SBNO1: variants seen among roughly 807,000 people sequenced by gnomAD.
SBNO1 encodes strawberry notch homolog 1, also known as protein strawberry notch homolog 1.
Under a neutral mutation model 173.6 loss-of-function variants are expected in SBNO1, and 23 were observed. The observed-to-expected ratio is 0.13, with a 90% CI of 0.10 to 0.19. SBNO1 has a LOEUF of 0.19. Among genes scored for constraint, SBNO1 ranks in the 10% least tolerant of loss-of-function variants. The pLI is 1.00. For synonymous variants in SBNO1, 632 were observed against 571.5 expected (o/e 1.11, Z -1.51); for missense variants, 1,238 against 1,671.2 (o/e 0.74, Z 4.52).
Position 123,299,358 on chromosome 12 carries a change from ACT to A in SBNO1, c.3846-1189_3846-1188del, listed in dbSNP as rs531138504. 1.2e-3 allele frequency among the ~76,000 whole-genome samples: 186 copies of A among 149,430 alleles called. 1 individual carries two copies. Among genetic ancestry groups the A allele is most frequent in the African/African-American group, 4.3e-3 (175 of 40,366 alleles). On this transcript the variant is annotated intron_variant, in intron 30 of 31. Transcript: ENST00000602398. ...ACTCCAGCCTGGGCAACAGAGTGAG[ACT>A]CTGTCTCAAAAAAAACGAAACAAAA...
chr12:123,320,884 A>G lies in SBNO1; in HGVS notation c.2324-18T>C. 1 of 1,513,254 alleles carries G rather than the reference A, an allele frequency of 6.6e-7. No homozygotes were observed. Among genetic ancestry groups the G allele is most frequent in the South Asian group, 1.3e-5 (1 of 79,444 alleles). 93.7% of individuals were successfully genotyped at this position (1,513,254 alleles called of 1,614,324 possible). A position where few individuals can be genotyped will look rare whatever the true frequency, so the allele number is the denominator to read the frequency against. Reference sequence around the variant, plus strand: ...CCAGGGATCTGAGTGTTAAGGAAAGATACATGTCAAATCATTTGTTAAAAC... The same window carrying G: ...CCAGGGATCTGAGTGTTAAGGAAAGGTACATGTCAAATCATTTGTTAAAAC... On this transcript the variant is annotated intron_variant, in intron 17 of 31. Coordinates refer to ENST00000602398, the MANE Select transcript of SBNO1 (RefSeq NM_001167856.3).
Position 123,364,737 on chromosome 12 carries a change from C to T in SBNO1, c.-37G>A, listed in dbSNP as rs1418471192. The T allele has an allele frequency of 1.0e-6, 1 of 987,642 alleles. No individual in the cohort carries two copies. The highest frequency in any genetic ancestry group is 1.2e-6 in the Non-Finnish European group (1 of 831,268). 61.2% of individuals were successfully genotyped at this position (987,642 alleles called of 1,614,324 possible). A position where few individuals can be genotyped will look rare whatever the true frequency, so the allele number is the denominator to read the frequency against. ...GACCCGGCGCCAGCACAGCTCCTCC[C>T]GGGAGGTGTGAGTTTGAAGGACCAG... On this transcript the variant is annotated 5_prime_UTR_variant, in exon 1 of 32. Coordinates refer to ENST00000602398, the MANE Select transcript of SBNO1 (RefSeq NM_001167856.3).
chr12:123,350,571 G>A lies in SBNO1; in HGVS notation c.1-130C>T, dbSNP rs113955904. ...TCAGTATTAATGAAGAACCTGCCAT[G>A]TCTCAGACAAAGAGGATAAAAGAGA... On this transcript the variant is annotated intron_variant, in intron 1 of 31. Coordinates refer to ENST00000602398, the MANE Select transcript of SBNO1 (RefSeq NM_001167856.3). 5.4e-4 allele frequency: 396 copies of A among 734,948 alleles called. 6 individuals carry two copies. The African/African-American group carries it at 5.8e-3, about 11-fold the overall frequency. 45.5% of individuals were successfully genotyped at this position (734,948 alleles called of 1,614,324 possible). A position where few individuals can be genotyped will look rare whatever the true frequency, so the allele number is the denominator to read the frequency against.
intron 7 of SBNO1, 24 bp downstream of exon 7, chr12:123,334,029 G>C: frequency 1.4e-6 from 2 of 1,465,792 alleles, no homozygotes; most frequent in Non-Finnish European, 1.8e-6. Flanking sequence ...AATAATTATT[G>C]TATTATGAAA....
intron 6 of SBNO1, among the ~76,000 whole-genome samples, chr12:123,334,732 TAATA>T (rs1449784292): frequency 6.6e-6 from 1 of 150,600 alleles, no homozygotes; most frequent in Non-Finnish European, 1.5e-5. Context: ...TAAAATTAAA[TAATA>T]AATAAAATAA....
chr12:123,362,010 G>A (rs1875285541), intron 1 of SBNO1, among the ~76,000 whole-genome samples: 1 of 151,776 alleles, frequency 6.6e-6, no homozygotes, highest in South Asian at 2.1e-4. Flanking sequence ...ATGGTGGCAC[G>A]CGCCTGTAGT....
chr12:123,299,879 G>A (rs2048729476), intron 30 of SBNO1, among the ~76,000 whole-genome samples: 1 of 151,804 alleles, frequency 6.6e-6, no homozygotes, highest in African/African-American at 2.4e-5. Context: ...GAAAAAACAA[G>A]CAATACCTGT....
chr12:123,289,145 C>CAA lies in SBNO1; in HGVS notation c.*6761_*6762dup, dbSNP rs1333348550. On this transcript the variant is annotated 3_prime_UTR_variant, in exon 32 of 32. Coordinates refer to ENST00000602398, the MANE Select transcript of SBNO1 (RefSeq NM_001167856.3). ...TAATTTATTTAGAATCTTACAAAAA[C>CAA]AAAAAACAAAACAAAAACCACCACA... 2.0e-5 allele frequency: 3 copies of CAA among 151,302 alleles called. No homozygotes were observed. Among genetic ancestry groups the CAA allele is most frequent in the African/African-American group, 7.3e-5 (3 of 40,966 alleles). 9.4% of individuals were successfully genotyped at this position (151,302 alleles called of 1,614,324 possible). A position where few individuals can be genotyped will look rare whatever the true frequency, so the allele number is the denominator to read the frequency against.
In SBNO1 at chr12:123,326,315, C is replaced by T. The variant is rs137918984; in HGVS notation, c.1712G>A (p.Arg571Gln). 94 of 1,603,528 alleles carry T rather than the reference C, an allele frequency of 5.9e-5. No homozygotes were observed. Among genetic ancestry groups the T allele is most frequent in the Non-Finnish European group, 7.8e-5 (92 of 1,174,420 alleles). The change falls in exon 14 of 32, where the codon CGG becomes CAG. Residue 571 changes from arginine (R) to glutamine (Q), a missense_variant. Coordinates refer to ENST00000602398, the MANE Select transcript of SBNO1 (RefSeq NM_001167856.3). ...AVKLWVIARE[R>Q]FQQAADLIDA... The stretch of plus-strand genomic sequence containing the variant: ...AATCAGATCTGCAGCTTGCTGAAAC[C>T]GCTCTCTGGCGATGACCCACTGAAG...
chr12:123,354,744 G>C (rs778000207), intron 1 of SBNO1, among the ~76,000 whole-genome samples: 5 of 152,116 alleles, frequency 3.3e-5, no homozygotes, highest in Non-Finnish European at 7.4e-5. Context: ...AATACTGTTA[G>C]GTACAAGAGA....
chr12:123,345,170 C>T, intron 4 of SBNO1, 88 bp downstream of exon 4: 1 of 1,159,870 alleles, frequency 8.6e-7, no homozygotes, highest in Non-Finnish European at 1.2e-6. Context: ...ATGGCCAGTT[C>T]TTTAAAAACC....
intron 13 of SBNO1, 103 bp downstream of exon 13, chr12:123,327,323 A>G: frequency 1.0e-6 from 1 of 963,538 alleles, no homozygotes; most frequent in Admixed American, 2.4e-5. Flanking sequence ...GTTTTATAGT[A>G]GAAATACATT....
chr12:123,350,365 A>T lies in SBNO1; in HGVS notation c.77T>A (p.Ile26Asn). Residue 26 changes from isoleucine (I) to asparagine (N), a missense_variant, in exon 2 of 32, where the codon ATT becomes AAT. By Grantham distance (149) the Ile-to-Asn change is moderately radical (BLOSUM62 -3). This residue lies in a region of SBNO1 where 287 missense variants were observed against 274.1 expected (regional missense o/e 1.05). Coordinates refer to ENST00000602398, the MANE Select transcript of SBNO1 (RefSeq NM_001167856.3). ...SGISPNDLFD[I>N]DGGDAGLATP... ...TGCAAGCCCTGCATCTCCACCATCA[A>T]TATCAAAGAGGTCATTCGGACTAAT... is the stretch of plus-strand genomic sequence containing the variant. 2 of 1,614,104 alleles carry T rather than the reference A, an allele frequency of 1.2e-6. No individual in the cohort carries two copies. The highest frequency in any genetic ancestry group is 1.7e-6 in the Non-Finnish European group (2 of 1,179,948).
rs752794679 is a variant in SBNO1, at chr12:123,340,581, C to CAAA, written c.651+404_651+406dup. On this transcript the variant is annotated intron_variant, in intron 5 of 31. Coordinates refer to ENST00000602398, the MANE Select transcript of SBNO1 (RefSeq NM_001167856.3). ...GGGCGATAAGAGTAAGACTCTGTCTCAAAAAAAAAAAAAAAAAAAAAAAAG... is the reference window on the plus strand; with the variant it reads ...GGGCGATAAGAGTAAGACTCTGTCTCAAAAAAAAAAAAAAAAAAAAAAAAAAAG... Among the ~76,000 whole-genome samples the CAAA allele has an allele frequency of 4.4e-3, 207 of 46,640 alleles. 3 individuals are homozygous for CAAA. Among genetic ancestry groups the CAAA allele is most frequent in the Non-Finnish European group, 5.1e-3 (126 of 24,706 alleles). The allele number at this position is 46,640 out of a possible 152,430, so 30.6% of individuals were successfully genotyped here. A position where few individuals can be genotyped will look rare whatever the true frequency, so the allele number is the denominator to read the frequency against.
At chr12:123,324,681 T>C (rs1870403593) in intron 15 of SBNO1, among the ~76,000 whole-genome samples, 1 of 152,210 alleles carries the variant, frequency 6.6e-6, no homozygotes, top group Non-Finnish European at 1.5e-5. Flanking sequence ...AAGTTTATTT[T>C]GCTCAGTTTA....
At chr12:123,322,968 G>A (rs1870176290) in intron 16 of SBNO1, among the ~76,000 whole-genome samples, 1 of 152,042 alleles carries the variant, frequency 6.6e-6, no homozygotes, top group Non-Finnish European at 1.5e-5. Flanking sequence ...GAACAGGTCT[G>A]ACAATACAAA....
chr12:123,325,515 C>T lies in SBNO1; in HGVS notation c.1960G>A (p.Val654Ile), dbSNP rs1196823435. ...EEGGGELNDF[V>I]STAKGVLQSL... ...CAAAAACATTACTTGGCAGTTGAAA[C>T]AAAATCATTCAATTCTCCCCCGCCC... Residue 654 changes from valine to isoleucine, a missense_variant, in exon 15 of 32, where the codon GTT becomes ATT. Around this residue, in one of 14 missense-constraint regions of SBNO1, gnomAD observed 182 missense variants for 339.9 expected, o/e 0.54. Transcript: ENST00000602398. The T allele has an allele frequency of 6.2e-7, 1 of 1,611,328 alleles. No individual in the cohort carries two copies. The highest frequency in any genetic ancestry group is 8.5e-7 in the Non-Finnish European group (1 of 1,177,740).
chr12:123,345,370 T>C lies in SBNO1; in HGVS notation c.438A>G (p.Ala146=). The C allele has an allele frequency of 6.2e-7, 1 of 1,614,188 alleles. No individual in the cohort carries two copies. The highest frequency in any genetic ancestry group is 1.1e-5 in the South Asian group (1 of 91,088). ...TAAGCTGAACTTGGTCTTTTGAAGG[T>C]GCAGAGGTCATGGCATTTCGTACTG... is the stretch of plus-strand genomic sequence containing the variant. ...APTVRNAMTS[A]PSKDQVQLKD... The change falls in exon 4 of 32, where the codon GCA becomes GCG. Residue 146 remains alanine (A), a synonymous_variant. Coordinates refer to ENST00000602398, the MANE Select transcript of SBNO1 (RefSeq NM_001167856.3).
chr12:123,338,809 G>A lies in SBNO1; in HGVS notation c.651+2179C>T, dbSNP rs967689782. On this transcript the variant is annotated intron_variant, in intron 5 of 31. Transcript: ENST00000602398. Reference sequence around the variant, plus strand: ...AATCACTTGAACCTGGGAGGCAGAAGTTGCAGTGAGCTGAGATTGCACCAC... The same window carrying A: ...AATCACTTGAACCTGGGAGGCAGAAATTGCAGTGAGCTGAGATTGCACCAC... 8.5e-5 allele frequency among the ~76,000 whole-genome samples: 13 copies of A among 152,126 alleles called. No individual in the cohort carries two copies. In the South Asian group the frequency reaches 1.5e-3, roughly 17 times the overall value.
Sources: allele counts gnomAD v4.1 joint callset (sites outside exome capture counted in the v4.1 genomes callset), GRCh38; gene constraint gnomAD v4.1.1; regional missense constraint gnomAD v4.1.1; transcripts MANE v1.5; gene names NCBI Gene and HGNC (gene_info 2026-07-23, HGNC 2026-07-21).